E2F3: variants seen among roughly 807,000 people sequenced by gnomAD.
The protein encoded by E2F3 is transcription factor E2F3.
In E2F3, 11 loss-of-function variants were observed where a neutral mutation model predicts 44.4. The observed-to-expected ratio is 0.25, with a 90% confidence interval of 0.16 to 0.41. E2F3 has a LOEUF of 0.41. Ranked by LOEUF, E2F3 falls within the 10% of genes least tolerant of loss-of-function variation. E2F3 has a pLI of 1.00. For missense variants in E2F3, 487 were observed against 583.6 expected (o/e 0.83, Z 1.70); for synonymous variants, 249 against 253.0 (o/e 0.98, Z 0.15).
At chr6:20,412,406 T>C (rs1258109739) in intron 1 of E2F3, among the ~76,000 whole-genome samples, 2 of 151,982 alleles carry the variant, frequency 1.3e-5, no homozygotes, top group African/African-American at 4.8e-5. Flanking sequence ...TTGGAACCAC[T>C]GGGCTTGGTG....
Position 20,402,367 on chromosome 6 carries a change from C to T in E2F3, c.135C>T (p.Ala45=), listed in dbSNP as rs1380477604. 6.2e-7 allele frequency: 1 copy of T among 1,607,358 alleles called. No homozygotes were observed. Among genetic ancestry groups the T allele is most frequent in the African/African-American group, 1.4e-5 (1 of 73,954 alleles). The change falls in exon 1 of 7, where the codon GCC becomes GCT. Residue 45 remains alanine (A), a synonymous_variant. Transcript: ENST00000346618. The surrounding 1 kb of genome is among the most constrained non-coding windows in gnomAD (Gnocchi z 5.6). The part of the protein sequence containing the change: ...KRALLASPGF[A]AAAAAAAAPG... ...CACTGCTAGCCAGCCCCGGCTTCGC[C>T]GCCGCCGCCGCCGCTGCCGCCGCCC...
intron 1 of E2F3, among the ~76,000 whole-genome samples, chr6:20,475,162 C>T (rs1267265707): frequency 6.6e-6 from 1 of 152,204 alleles, no homozygotes; most frequent in East Asian, 1.9e-4. Context: ...GTGATTCTTT[C>T]GCAATAAAAG....
intron 1 of E2F3, among the ~76,000 whole-genome samples, chr6:20,437,305 T>G (rs1760620001): frequency 6.6e-6 from 1 of 152,210 alleles, no homozygotes; most frequent in Non-Finnish European, 1.5e-5. Flanking sequence ...AGAAGTAGTT[T>G]TTGTTTCTTG....
intron 1 of E2F3, among the ~76,000 whole-genome samples, chr6:20,414,596 A>T (rs986588405): frequency 1.3e-5 from 2 of 152,198 alleles, no homozygotes; most frequent in African/African-American, 4.8e-5. Context: ...TCTATAATTG[A>T]CTTTTGATAT....
At chr6:20,440,880 G>T (rs1760750018) in intron 1 of E2F3, among the ~76,000 whole-genome samples, 1 of 152,134 alleles carries the variant, frequency 6.6e-6, no homozygotes, top group Non-Finnish European at 1.5e-5. Flanking sequence ...AGAGGGAAAA[G>T]GGTCAGGAGT....
intron 1 of E2F3, among the ~76,000 whole-genome samples, chr6:20,467,851 C>A (rs1761763554): frequency 1.3e-5 from 2 of 150,304 alleles, no homozygotes; most frequent in Admixed American, 1.3e-4. Flanking sequence ...TAACTTTTAC[C>A]TTTAGTGACT....
rs1759350449 is a variant in E2F3, at chr6:20,402,763, G to A, written c.393+138G>A. 8.0e-7 allele frequency: 1 copy of A among 1,246,492 alleles called. No homozygotes were observed. Among genetic ancestry groups the A allele is most frequent in the South Asian group, 3.2e-5 (1 of 30,848 alleles). 77.2% of individuals were successfully genotyped at this position (1,246,492 alleles called of 1,614,324 possible). ...GGGCCTCGGGGGCTGCCCCTCCAAC[G>A]AGGGTTCATTGTTAGACCTGAGTGC... On this transcript the variant is annotated intron_variant, in intron 1 of 6. Coordinates refer to ENST00000346618, the MANE Select transcript of E2F3 (RefSeq NM_001949.5). This position sits in a 1 kb window ranked among gnomAD's most constrained non-coding sequence, Gnocchi z 5.6.
rs1759340018 is a variant in E2F3, at chr6:20,402,549, C to A, written c.317C>A (p.Pro106His). The A allele has an allele frequency of 6.3e-7, 1 of 1,577,032 alleles. No homozygotes were observed. Among genetic ancestry groups the A allele is most frequent in the Non-Finnish European group, 8.5e-7 (1 of 1,171,308 alleles). Residue 106 changes from proline (P) to histidine (H), a missense_variant, in exon 1 of 7, where the codon CCC becomes CAC. Pro to His is a moderately conservative substitution (Grantham distance 77). This residue lies in a region of E2F3 where 238 missense variants were observed against 236.0 expected (regional missense o/e 1.01). Coordinates refer to ENST00000346618, the MANE Select transcript of E2F3 (RefSeq NM_001949.5). The surrounding 1 kb of genome is among the most constrained non-coding windows in gnomAD (Gnocchi z 5.6). ...GSLLYTTPHGPSSRAGLLQQP... is the reference protein window; with the variant it reads ...GSLLYTTPHGHSSRAGLLQQP... ...CTCCTCTACACCACGCCGCACGGAC[C>A]CTCCAGCAGAGCCGGGCTGCTGCAG...
intron 1 of E2F3, among the ~76,000 whole-genome samples, chr6:20,404,395 T>A (rs1040413687): frequency 6.6e-6 from 1 of 152,246 alleles, no homozygotes; most frequent in Non-Finnish European, 1.5e-5. Context: ...CTCCGGGTCT[T>A]CACCCTCGTG....
chr6:20,407,745 A>T (rs1561845834), intron 1 of E2F3, among the ~76,000 whole-genome samples: 1 of 152,216 alleles, frequency 6.6e-6, no homozygotes, highest in Non-Finnish European at 1.5e-5. Flanking sequence ...TCCTAAGTTA[A>T]CCTGATTTTA....
Position 20,424,321 on chromosome 6 carries a change from G to A in E2F3, c.393+21696G>A, listed in dbSNP as rs907216004. Among the ~76,000 whole-genome samples, 5 of 139,558 alleles carry A rather than the reference G, an allele frequency of 3.6e-5. No individual in the cohort carries two copies. In the East Asian group the frequency reaches 6.6e-4, roughly 18 times the overall value. 91.6% of individuals were successfully genotyped at this position (139,558 alleles called of 152,430 possible). A position where few individuals can be genotyped will look rare whatever the true frequency, so the allele number is the denominator to read the frequency against. On this transcript the variant is annotated intron_variant, in intron 1 of 6. Coordinates refer to ENST00000346618, the MANE Select transcript of E2F3 (RefSeq NM_001949.5). ...CTAGTGCCATTTATTGGATGGTTCC[G>A]CTTTCCCCACGCATGCACTTGAAAT...
intron 1 of E2F3, among the ~76,000 whole-genome samples, chr6:20,434,977 G>A (rs1285391497): frequency 1.3e-5 from 2 of 152,226 alleles, no homozygotes; most frequent in Non-Finnish European, 2.9e-5. Context: ...ATGGCGCCAG[G>A]GCCGACAGAT....
rs777604852 is a variant in E2F3 at position 20,481,246 on chromosome 6, T to C, written c.546T>C (p.Ser182=). 1.2e-6 allele frequency: 2 copies of C among 1,614,168 alleles called. No individual in the cohort carries two copies. Among genetic ancestry groups the C allele is most frequent in the South Asian group, 2.2e-5 (2 of 91,084 alleles). The change falls in exon 3 of 7, where the codon TCT becomes TCC. Residue 182 remains serine, a synonymous_variant. Transcript: ENST00000346618. The part of the protein sequence containing the change: ...SPSEKTRYDT[S]LGLLTKKFIQ... ...CAGAAAAAACGCGGTATGATACGTC[T>C]CTTGGTCTGCTCACCAAGAAGTTCA...
At chr6:20,443,368 A>G (rs1760836680) in intron 1 of E2F3, among the ~76,000 whole-genome samples, 1 of 152,194 alleles carries the variant, frequency 6.6e-6, no homozygotes, top group South Asian at 2.1e-4. Flanking sequence ...GATTATTAAT[A>G]ACATTTTTTT....
chr6:20,462,875 T>A, intron 1 of E2F3, among the ~76,000 whole-genome samples: 1 of 102,246 alleles, frequency 9.8e-6, no homozygotes. Flanking sequence ...TTTTTTTTTT[T>A]TTTTTTTTTT....
chr6:20,481,234 G>A lies in E2F3; in HGVS notation c.534G>A (p.Arg178=), dbSNP rs1164710338. Residue 178 remains arginine, a synonymous_variant, in exon 3 of 7, where the codon CGG becomes CGA. Transcript: ENST00000346618. ...KTPKSPSEKT[R]YDTSLGLLTK... ...CAAAATCTCCCTCAGAAAAAACGCG[G>A]TATGATACGTCTCTTGGTCTGCTCA... The A allele has an allele frequency of 6.2e-7, 1 of 1,614,078 alleles. No individual in the cohort carries two copies. The highest frequency in any genetic ancestry group is 8.5e-7 in the Non-Finnish European group (1 of 1,179,990).
chr6:20,418,680 T>G (rs1345857224), intron 1 of E2F3, among the ~76,000 whole-genome samples: 1 of 142,776 alleles, frequency 7.0e-6, no homozygotes, highest in Non-Finnish European at 1.5e-5. Context: ...AGGCATTGAA[T>G]GATCCCATTA....
intron 1 of E2F3, among the ~76,000 whole-genome samples, chr6:20,423,645 AT>A (rs1372180917): frequency 6.7e-6 from 1 of 149,960 alleles, no homozygotes; most frequent in Non-Finnish European, 1.5e-5. Flanking sequence ...TAATTTTTGT[AT>A]TTTTAGTAGA....
rs540998526 is a variant in E2F3, at chr6:20,418,558, A to G, written c.393+15933A>G. Among the ~76,000 whole-genome samples the G allele has an allele frequency of 3.3e-5, 5 of 152,356 alleles. No homozygotes were observed. In the East Asian group the frequency reaches 9.7e-4, roughly 29 times the overall value. On this transcript the variant is annotated intron_variant, in intron 1 of 6. Coordinates refer to ENST00000346618, the MANE Select transcript of E2F3 (RefSeq NM_001949.5). ...TCAGAGTTCTAAAGGCGGACAAACTAGACTGTGAACTTAATACTTACCCTG... is the reference window on the plus strand; with the variant it reads ...TCAGAGTTCTAAAGGCGGACAAACTGGACTGTGAACTTAATACTTACCCTG...
Sources: allele counts gnomAD v4.1 joint callset (sites outside exome capture counted in the v4.1 genomes callset), GRCh38; gene constraint gnomAD v4.1.1; regional missense constraint gnomAD v4.1.1; non-coding constraint Gnocchi (gnomAD v3.1); transcripts MANE v1.5; gene names NCBI Gene and HGNC (gene_info 2026-07-23, HGNC 2026-07-21).